Variants in AGPAT2 observed in about 807,000 individuals in gnomAD.
AGPAT2 encodes 1-acyl-sn-glycerol-3-phosphate acyltransferase beta.
AGPAT2 carries 18 observed loss-of-function variants against 26.1 expected under a neutral mutation model. That is an observed-to-expected ratio of 0.69 (90% CI 0.48 to 1.02). The LOEUF (loss-of-function observed/expected upper bound fraction) is 1.02, where lower values mean the gene tolerates loss of function less well. AGPAT2 is among the 50% of genes least tolerant of loss of function. The pLI is 0.00. For missense variants in AGPAT2, 415 were observed against 394.9 expected, an observed-to-expected ratio of 1.05 and a Z score of -0.43; for synonymous variants, 200 against 174.2, an observed-to-expected ratio of 1.15 and a Z score of -1.16.
chr9:136,681,096 CTT>C (rs1213170613), intron 1 of AGPAT2, among the ~76,000 whole-genome samples: 1 of 151,208 alleles, frequency 6.6e-6, no homozygotes, highest in Non-Finnish European at 1.5e-5. Flanking sequence ...AGCTCCAAAA[CTT>C]TTCCTTTTTT....
intron 1 of AGPAT2, among the ~76,000 whole-genome samples, chr9:136,680,385 C>G (rs1216811820): frequency 6.6e-6 from 1 of 152,136 alleles, no homozygotes; most frequent in Non-Finnish European, 1.5e-5. Flanking sequence ...TGCCACCAGG[C>G]CTGGCTAGTT....
intron 4 of AGPAT2, among the ~76,000 whole-genome samples, chr9:136,675,274 G>A (rs1846075598): frequency 6.6e-6 from 1 of 152,114 alleles, no homozygotes; most frequent in African/African-American, 2.4e-5. Flanking sequence ...AAATCCAAGG[G>A]CACTTGGGGG....
At chr9:136,676,917 C>T in intron 3 of AGPAT2, 44 bp downstream of exon 3, 1 of 1,449,984 alleles carries the variant, frequency 6.9e-7, no homozygotes, top group Non-Finnish European at 9.7e-7. Context: ...TGGCCCCGCC[C>T]AGGCCCCACC....
intron 2 of AGPAT2, 76 bp from the exon 3 acceptor site, chr9:136,677,212 A>G (rs1010629132): frequency 6.4e-6 from 10 of 1,563,174 alleles, no homozygotes; most frequent in African/African-American, 2.7e-5. Context: ...GAGCACCCAC[A>G]GGCCTGCCTG....
chr9:136,677,372 C>T lies in AGPAT2; in HGVS notation c.316+51G>A, dbSNP rs372978646. On this transcript the variant is annotated intron_variant, in intron 2 of 5. Coordinates refer to ENST00000371696, the MANE Select transcript of AGPAT2 (RefSeq NM_006412.4). ...GGGACCCAGCCCCACACAGCCCCAG[C>T]TCAGCCGGCCCCACTCAAACCCCAG... 5.0e-6 allele frequency: 8 copies of T among 1,612,064 alleles called. No individual in the cohort carries two copies. The African/African-American group carries it at 9.3e-5, about 19-fold the overall frequency.
chr9:136,674,660 C>G, intron 5 of AGPAT2, 75 bp downstream of exon 5: 1 of 1,175,728 alleles, frequency 8.5e-7, no homozygotes, highest in Middle Eastern at 2.1e-4. Flanking sequence ...GAAATGGGAA[C>G]GATGAGGGGC....
rs543374987 is a variant in AGPAT2 at position 136,677,505 on chromosome 9, G to T, written c.234C>A (p.Phe78Leu). ...GCAGCCTGCGCGGGTCCCGCACCTC[G>T]AAGCGGAGCCCGTAAAAGTACTTGA... ...RSFKYFYGLR[F>L]EVRDPRRLQE... is the part of the protein sequence containing the mutation. Residue 78 changes from phenylalanine (F) to leucine (L), a missense_variant, in exon 2 of 6, where the codon TTC becomes TTA. Physicochemically the swap from Phe to Leu is conservative, Grantham distance 22 (BLOSUM62 0). Transcript: ENST00000371696. The T allele has an allele frequency of 4.3e-5, 69 of 1,612,928 alleles. No homozygotes were observed. The highest frequency in any genetic ancestry group is 5.5e-5 in the Non-Finnish European group (65 of 1,179,976).
intron 5 of AGPAT2, among the ~76,000 whole-genome samples, chr9:136,674,366 C>T (rs1160576118): frequency 6.6e-6 from 1 of 152,088 alleles, no homozygotes; most frequent in Non-Finnish European, 1.5e-5. Context: ...GGTCATGAGC[C>T]CCGCAGCCTG....
In AGPAT2 at chr9:136,677,576, G is replaced by T; in HGVS notation, c.183-20C>A. On this transcript the variant is annotated intron_variant, in intron 1 of 5. Transcript: ENST00000371696. ...ATGATGCTGCAGGGGAGGCCACCAT[G>T]AACACGGGTCCCACAGATCCCGCAG... 1 of 1,612,418 alleles carries T rather than the reference G, an allele frequency of 6.2e-7. No individual in the cohort carries two copies. The highest frequency in any genetic ancestry group is 1.1e-5 in the South Asian group (1 of 91,032).
In AGPAT2 at chr9:136,673,894, G is replaced by A; in HGVS notation, c.695C>T (p.Pro232Leu). The A allele has an allele frequency of 6.3e-7, 1 of 1,598,172 alleles. No homozygotes were observed. The highest frequency in any genetic ancestry group is 8.5e-7 in the Non-Finnish European group (1 of 1,173,438). ...TVTVQVLEAI[P>L]TSGLTAADVP... ...GTCCGCCGCAGTGAGGCCGCTGGTG[G>A]GGATGGCTTCCAGCACCTGCACTGT... is the stretch of plus-strand genomic sequence containing the variant. Residue 232 changes from proline to leucine, a missense_variant, in exon 6 of 6, where the codon CCC becomes CTC. Pro to Leu is a moderately conservative substitution (Grantham distance 98). Coordinates refer to ENST00000371696, the MANE Select transcript of AGPAT2 (RefSeq NM_006412.4).
At chr9:136,680,955 G>A (rs558991769) in intron 1 of AGPAT2, among the ~76,000 whole-genome samples, 104 of 152,204 alleles carry the variant, frequency 6.8e-4, no homozygotes, top group Non-Finnish European at 1.2e-3. Context: ...AGGAGCCAGC[G>A]CGCCGAGCCC....
Position 136,677,408 on chromosome 9 carries a change from C to G in AGPAT2, c.316+15G>C. On this transcript the variant is annotated intron_variant, in intron 2 of 5. Coordinates refer to ENST00000371696, the MANE Select transcript of AGPAT2 (RefSeq NM_006412.4). ...CCACTCAAACCCCAGAAGCCACCCC[C>G]GAGGCCCGGCCTACCCATCATGTCC... is the stretch of plus-strand genomic sequence containing the variant. The G allele has an allele frequency of 6.2e-7, 1 of 1,613,120 alleles. No homozygotes were observed. Among genetic ancestry groups the G allele is most frequent in the Non-Finnish European group, 8.5e-7 (1 of 1,179,930 alleles).
chr9:136,679,288 A>G (rs1485454705), intron 1 of AGPAT2, among the ~76,000 whole-genome samples: 1 of 152,000 alleles, frequency 6.6e-6, no homozygotes, highest in Admixed American at 6.6e-5. Flanking sequence ...GGCCTGCGGC[A>G]GCACCACCTC....
intron 1 of AGPAT2, among the ~76,000 whole-genome samples, chr9:136,683,075 A>AGGGGGGGGGCAGGGGGGGGGGGGGGGGGG (rs1289117689): frequency 2.7e-5 from 1 of 36,766 alleles, no homozygotes. Flanking sequence ...GGTGGGGGGG[A>AGGGGGGGGGCAGGGGGGGGGGGGGGGGGG]GGGGGGGAAG....
At chr9:136,684,428 G>A (rs1889047) in intron 1 of AGPAT2, among the ~76,000 whole-genome samples, 107,741 of 152,176 alleles carry the variant, frequency 0.71, 39,582 homozygotes, top group East Asian at 0.87. Flanking sequence ...GAAGGGGTCC[G>A]TGGTCTCAGC....
At chr9:136,686,256 G>A (rs561972430) in intron 1 of AGPAT2, among the ~76,000 whole-genome samples, 74 of 152,232 alleles carry the variant, frequency 4.9e-4, no homozygotes, top group Non-Finnish European at 6.9e-4. Context: ...GGGGCCTCTG[G>A]GGCCACAATG....
At chr9:136,674,573 G>A (rs1422641312) in intron 5 of AGPAT2, among the ~76,000 whole-genome samples, 162 bp downstream of exon 5, 4 of 152,256 alleles carry the variant, frequency 2.6e-5, no homozygotes, top group African/African-American at 7.2e-5. Context: ...AGGCCATGAA[G>A]CCCACAGCTG....
rs775540789 is a variant in AGPAT2, at chr9:136,674,796, G to A, written c.600C>T (p.Val200=). The change falls in exon 5 of 6, where the codon GTC becomes GTT. Residue 200 remains valine (V), a synonymous_variant. Transcript: ENST00000371696. ...YLAVQAQVPI[V]PVVYSSFSSF... ...AGGAGAAGGAAGAGTACACCACGGGGACGATGGGCACCTGCAGGCAGGGAG... is the reference window on the plus strand; with the variant it reads ...AGGAGAAGGAAGAGTACACCACGGGAACGATGGGCACCTGCAGGCAGGGAG... The A allele has an allele frequency of 2.1e-5, 33 of 1,548,914 alleles. No individual in the cohort carries two copies. The highest frequency in any genetic ancestry group is 2.9e-5 in the Non-Finnish European group (33 of 1,147,060).
chr9:136,687,102 A>C, intron 1 of AGPAT2, 74 bp downstream of exon 1: 2 of 1,461,262 alleles, frequency 1.4e-6, no homozygotes, highest in Non-Finnish European at 1.8e-6. Context: ...GAAGGAGGGA[A>C]GCCCAGAAGA....
Sources: allele counts gnomAD v4.1 joint callset (sites outside exome capture counted in the v4.1 genomes callset), GRCh38; gene constraint gnomAD v4.1.1; transcripts MANE v1.5; gene names NCBI Gene and HGNC (gene_info 2026-07-23, HGNC 2026-07-21).